Variants in ATE1 observed in about 807,000 individuals in gnomAD.
The protein encoded by ATE1 is arginyl-tRNA--protein transferase 1.
A neutral mutation model predicts 70.5 loss-of-function variants in ATE1; 36 were observed. The observed-to-expected ratio is 0.51, with a 90% CI of 0.39 to 0.67. The LOEUF (loss-of-function observed/expected upper bound fraction) is 0.67. Ranked by LOEUF, ATE1 falls within the 30% of genes least tolerant of loss-of-function variation. The pLI, the probability that ATE1 is intolerant of heterozygous loss-of-function variation, is 0.00. For missense variants in ATE1, 593 were observed against 629.5 expected (o/e 0.94, Z 0.62); for synonymous variants, 232 against 219.3 (o/e 1.06, Z -0.51).
At chr10:121,846,521 A>C (rs1157263354) in intron 8 of ATE1, 1 of 151,922 alleles carries the variant, frequency 6.6e-6, no homozygotes, top group East Asian at 1.9e-4. Flanking sequence ...AACAACCACC[A>C]CAAGAGAGGA....
chr10:121,842,802 C>T (rs1948679483), intron 8 of ATE1, among the ~76,000 whole-genome samples: 1 of 152,098 alleles, frequency 6.6e-6, no homozygotes, highest in African/African-American at 2.4e-5. Flanking sequence ...AGACCCAACA[C>T]CTATTCATGA....
intron 6 of ATE1, among the ~76,000 whole-genome samples, chr10:121,901,289 C>T (rs543242041): frequency 7.2e-5 from 11 of 151,860 alleles, no homozygotes; most frequent in Non-Finnish European, 1.2e-4. Context: ...CTAAATTCTA[C>T]GTCTGATAAT....
intron 10 of ATE1, among the ~76,000 whole-genome samples, chr10:121,834,890 G>C (rs1948377449): frequency 6.6e-6 from 1 of 152,126 alleles, no homozygotes; most frequent in Admixed American, 6.6e-5. Flanking sequence ...TACTTCATTT[G>C]AATGGGTCGT....
At chr10:121,886,370 G>A (rs981410985) in intron 7 of ATE1, among the ~76,000 whole-genome samples, 2 of 151,622 alleles carry the variant, frequency 1.3e-5, no homozygotes, top group African/African-American at 4.8e-5. Flanking sequence ...CATCTGTGTG[G>A]GCTTGCTCTG....
intron 11 of ATE1, among the ~76,000 whole-genome samples, chr10:121,788,283 A>G (rs1946295035): frequency 2.0e-5 from 3 of 152,234 alleles, no homozygotes; most frequent in African/African-American, 7.2e-5. Flanking sequence ...AACTTTACTC[A>G]GAATGAAACG....
At chr10:121,813,096 G>T (rs534205900) in intron 10 of ATE1, among the ~76,000 whole-genome samples, 1 of 152,226 alleles carries the variant, frequency 6.6e-6, no homozygotes, top group Non-Finnish European at 1.5e-5. Context: ...TCTACCATCT[G>T]CTCACGTCAG....
At chr10:121,907,608 AC>A (rs1467465590) in intron 5 of ATE1, among the ~76,000 whole-genome samples, 3 of 152,008 alleles carry the variant, frequency 2.0e-5, no homozygotes, top group Non-Finnish European at 4.4e-5. Flanking sequence ...CCCCATCTCT[AC>A]TAAAAATACA....
intron 11 of ATE1, among the ~76,000 whole-genome samples, chr10:121,744,690 C>T (rs546570006): frequency 2.4e-4 from 37 of 152,226 alleles, no homozygotes; most frequent in African/African-American, 6.3e-4. Context: ...TGGAAGAGAC[C>T]GTTGGTGGCT....
At chr10:121,925,136 C>T (rs1952035601) in intron 1 of ATE1, among the ~76,000 whole-genome samples, 3 of 152,054 alleles carry the variant, frequency 2.0e-5, no homozygotes, top group Non-Finnish European at 2.9e-5. Flanking sequence ...CTGAAAGTAA[C>T]TCAGCTGGGC....
chr10:121,813,634 G>A (rs1213629563), intron 10 of ATE1, among the ~76,000 whole-genome samples: 1 of 152,158 alleles, frequency 6.6e-6, no homozygotes, highest in Non-Finnish European at 1.5e-5. Flanking sequence ...GAGAATTCCA[G>A]GCTATCTAGG....
rs1304700556 is a variant in ATE1, at chr10:121,741,401, T to C, written c.*2279A>G. The C allele has an allele frequency of 6.6e-6, 1 of 152,208 alleles. No individual in the cohort carries two copies. The highest frequency in any genetic ancestry group is 1.5e-5 in the Non-Finnish European group (1 of 68,048). 9.4% of individuals were successfully genotyped at this position (152,208 alleles called of 1,614,324 possible). On this transcript the variant is annotated 3_prime_UTR_variant, in exon 12 of 12. Coordinates refer to ENST00000224652, the MANE Select transcript of ATE1 (RefSeq NM_001001976.3). ...CAATGCTCAAGTCACTCTGAGTCTT[T>C]GCTGGTGTCAACCTACAATGCCACC... is the stretch of plus-strand genomic sequence containing the variant.
intron 7 of ATE1, among the ~76,000 whole-genome samples, chr10:121,882,671 G>C (rs1270405966): frequency 6.6e-6 from 1 of 152,108 alleles, no homozygotes; most frequent in Non-Finnish European, 1.5e-5. Context: ...AAAATGTATG[G>C]AACTGTAAAC....
At chr10:121,784,413 T>C (rs1443613311) in intron 11 of ATE1, among the ~76,000 whole-genome samples, 2 of 152,206 alleles carry the variant, frequency 1.3e-5, no homozygotes, top group Non-Finnish European at 2.9e-5. Flanking sequence ...CCAAATATTG[T>C]AGCAAAAACC....
intron 8 of ATE1, among the ~76,000 whole-genome samples, chr10:121,855,215 C>G (rs935513815): frequency 6.6e-6 from 1 of 152,210 alleles, no homozygotes; most frequent in Non-Finnish European, 1.5e-5. Flanking sequence ...CAATCTCACT[C>G]TGTGTCCACA....
chr10:121,770,233 A>AAC (rs3036837), intron 11 of ATE1, among the ~76,000 whole-genome samples: 10,294 of 136,732 alleles, frequency 0.075, 398 homozygotes, highest in Middle Eastern at 0.12. Flanking sequence ...ACAAGAGAGA[A>AAC]ACACACACAC....
intron 8 of ATE1, among the ~76,000 whole-genome samples, chr10:121,861,545 G>A (rs1949467925): frequency 7.4e-6 from 1 of 136,048 alleles, no homozygotes; most frequent in Non-Finnish European, 1.5e-5. Flanking sequence ...TGAACAATGA[G>A]AACACATGGA....
chr10:121,765,531 T>C (rs1312014917), intron 11 of ATE1, among the ~76,000 whole-genome samples: 1 of 152,146 alleles, frequency 6.6e-6, no homozygotes, highest in Non-Finnish European at 1.5e-5. Context: ...TATTCAGACA[T>C]ATACAAAGCC....
At chr10:121,760,749 C>T (rs1945005586) in intron 11 of ATE1, among the ~76,000 whole-genome samples, 1 of 152,238 alleles carries the variant, frequency 6.6e-6, no homozygotes, top group Non-Finnish European at 1.5e-5. Context: ...AGAAGACTGA[C>T]TCCAATTCTG....
At chr10:121,924,983 T>A (rs1476295841) in intron 1 of ATE1, among the ~76,000 whole-genome samples, 1 of 152,250 alleles carries the variant, frequency 6.6e-6, no homozygotes, top group Non-Finnish European at 1.5e-5. Context: ...TGATTTAACA[T>A]GCTGGTCTCT....
Sources: gnomAD v4.1 joint callset for allele counts (sites outside exome capture counted in the v4.1 genomes callset) on GRCh38, gnomAD v4.1.1 for gene constraint, MANE v1.5 for transcripts, NCBI Gene and HGNC (gene_info 2026-07-23, HGNC 2026-07-21) for gene names.